The following NACC2 variants were observed in gnomAD, a reference collection of about 807,000 sequenced individuals.
NACC2 encodes the protein NACC family member 2.
In NACC2, 8 loss-of-function variants were observed where a neutral mutation model predicts 25.1. The observed-to-expected ratio is 0.32, with a 90% CI of 0.19 to 0.57. The LOEUF (loss-of-function observed/expected upper bound fraction) is 0.57. Ranked by LOEUF, NACC2 falls within the 20% of genes least tolerant of loss-of-function variation. The probability of loss-of-function intolerance (pLI) is 0.89; values close to 1 mark genes in which losing one functional copy is unlikely to be tolerated. For synonymous variants in NACC2, 435 were observed against 294.7 expected, an observed-to-expected ratio of 1.48 and a Z score of -4.88; for missense variants, 644 against 650.2, an observed-to-expected ratio of 0.99 and a Z score of 0.10.
intron 2 of NACC2, among the ~76,000 whole-genome samples, chr9:136,023,644 G>A (rs1389287403): frequency 2.6e-5 from 4 of 152,218 alleles, no homozygotes; most frequent in Non-Finnish European, 5.9e-5. Flanking sequence ...TTGCTGATCT[G>A]ATGGCATCCC....
chr9:136,075,109 G>A (rs1830247294), intron 1 of NACC2, among the ~76,000 whole-genome samples: 1 of 152,246 alleles, frequency 6.6e-6, no homozygotes. Flanking sequence ...TGTCCTCAAT[G>A]GCGGCTTCTG....
At position 136,032,530 on chromosome 9, in the gene NACC2, G is replaced by A. The variant is rs577911511; in HGVS notation, c.887-16101C>T. On this transcript the variant is annotated intron_variant, in intron 2 of 5. Transcript: ENST00000277554. The stretch of plus-strand genomic sequence containing the variant: ...TTAGAAATGAGACAGGGATATGTAA[G>A]AAGTTCTGGCCAGTTCAATGAGGCA... Among the ~76,000 whole-genome samples, 12 of 152,200 alleles carry A rather than the reference G, an allele frequency of 7.9e-5. No homozygotes were observed. The South Asian group carries it at 2.5e-3, about 31-fold the overall frequency.
At chr9:136,037,585 G>A (rs1318519649) in intron 2 of NACC2, among the ~76,000 whole-genome samples, 1 of 149,728 alleles carries the variant, frequency 6.7e-6, no homozygotes, top group Non-Finnish European at 1.5e-5. Flanking sequence ...TCAGCTCATT[G>A]CAACCTCTGC....
intron 2 of NACC2, among the ~76,000 whole-genome samples, chr9:136,047,525 G>A (rs890082095): frequency 1.8e-4 from 27 of 152,148 alleles, no homozygotes; most frequent in Non-Finnish European, 5.9e-5. Flanking sequence ...TGGCATCAGC[G>A]ACACCCGTGC....
Position 136,049,803 on chromosome 9 carries a change from G to T in NACC2, c.719C>A (p.Pro240His). ...ACTGGTCCGCTCCCCCTGGGGGTAG[G>T]GCATCTGCTGGATGCCGGGGATGAG... Reference protein sequence around the residue: ...ATLIPGIQQMPYPQGERTSPG... With the variant: ...ATLIPGIQQMHYPQGERTSPG... The change falls in exon 2 of 6, where the codon CCC becomes CAC. Residue 240 changes from proline (P) to histidine (H), a missense_variant. By Grantham distance (77) the Pro-to-His change is moderately conservative. Coordinates refer to ENST00000277554, the MANE Select transcript of NACC2 (RefSeq NM_144653.5). 1.3e-6 allele frequency: 1 copy of T among 754,310 alleles called. No homozygotes were observed. The highest frequency in any genetic ancestry group is 1.4e-5 in the South Asian group (1 of 72,312). 46.7% of individuals were successfully genotyped at this position (754,310 alleles called of 1,614,324 possible).
rs1417539306 is a variant in NACC2, at chr9:136,019,288, A to G, written c.887-2859T>C. The G allele has an allele frequency of 2.0e-5, 3 of 152,250 alleles. No homozygotes were observed. The highest frequency in any genetic ancestry group is 1.3e-4 in the Admixed American group (2 of 15,290). 9.4% of individuals were successfully genotyped at this position (152,250 alleles called of 1,614,324 possible). A position where few individuals can be genotyped will look rare whatever the true frequency, so the allele number is the denominator to read the frequency against. On this transcript the variant is annotated intron_variant, in intron 2 of 5. Coordinates refer to ENST00000277554, the MANE Select transcript of NACC2 (RefSeq NM_144653.5). This position sits in a 1 kb window ranked among gnomAD's most constrained non-coding sequence, Gnocchi z 5.2. ...ATCCCTCGTGGCCCCCGGAAGGGCC[A>G]TTCAGAGGCCCCGTGAGTCGGGGCC...
chr9:136,013,036 T>C lies in NACC2; in HGVS notation c.1255+163A>G, dbSNP rs1840136226. Among the ~76,000 whole-genome samples, 1 of 152,236 alleles carries C rather than the reference T, an allele frequency of 6.6e-6. No homozygotes were observed. Among genetic ancestry groups the C allele is most frequent in the African/African-American group, 2.4e-5 (1 of 41,462 alleles). ...ACCTCGAGACCTGGCTTCTGAGAGCTGCTCTTTTCTCCTCATCTTCCCCTC... is the reference window on the plus strand; with the variant it reads ...ACCTCGAGACCTGGCTTCTGAGAGCCGCTCTTTTCTCCTCATCTTCCCCTC... On this transcript the variant is annotated intron_variant, in intron 5 of 5. Coordinates refer to ENST00000277554, the MANE Select transcript of NACC2 (RefSeq NM_144653.5). The surrounding 1 kb of genome is among the most constrained non-coding windows in gnomAD (Gnocchi z 6.6).
chr9:136,032,290 G>C (rs954876755), intron 2 of NACC2, among the ~76,000 whole-genome samples: 2 of 152,204 alleles, frequency 1.3e-5, no homozygotes, highest in South Asian at 2.1e-4. Flanking sequence ...AGCAGTCAAT[G>C]CAACTAAGCA....
At chr9:136,049,219 T>C (rs1392870305) in intron 2 of NACC2, among the ~76,000 whole-genome samples, 1 of 152,060 alleles carries the variant, frequency 6.6e-6, no homozygotes, top group Non-Finnish European at 1.5e-5. Context: ...GGAGAGGTGG[T>C]GGCAAAGGGG....
intron 1 of NACC2, 55 bp from the exon 2 acceptor site, chr9:136,050,635 C>A: frequency 1.5e-6 from 1 of 676,822 alleles, no homozygotes; most frequent in Non-Finnish European, 2.7e-6. Flanking sequence ...GCTCCCCGCT[C>A]AAGGGGCCGT....
At chr9:136,047,793 G>C (rs1840752477) in intron 2 of NACC2, among the ~76,000 whole-genome samples, 1 of 152,172 alleles carries the variant, frequency 6.6e-6, no homozygotes, top group African/African-American at 2.4e-5. Context: ...GGGCGTGAGG[G>C]CTTCTAGCTC....
At chr9:136,035,705 T>C (rs1256052975) in intron 2 of NACC2, among the ~76,000 whole-genome samples, 8 of 133,910 alleles carry the variant, frequency 6.0e-5, no homozygotes, top group African/African-American at 2.2e-4. Flanking sequence ...AGAATGTCCT[T>C]GTTTGTTAAA....
chr9:136,052,896 A>G (rs1287486715), intron 1 of NACC2, among the ~76,000 whole-genome samples: 5 of 152,354 alleles, frequency 3.3e-5, no homozygotes, highest in African/African-American at 1.2e-4. Context: ...GGACCCCTCC[A>G]GAGAATGTGT....
At chr9:136,030,181 T>C (rs988876672) in intron 2 of NACC2, among the ~76,000 whole-genome samples, 6 of 151,944 alleles carry the variant, frequency 3.9e-5, no homozygotes, top group African/African-American at 1.5e-4. Flanking sequence ...AGCCCTTCCT[T>C]GCTTTTTCAA....
chr9:136,082,915 A>T (rs1272419424), intron 1 of NACC2, among the ~76,000 whole-genome samples: 2 of 152,022 alleles, frequency 1.3e-5, no homozygotes, highest in African/African-American at 4.8e-5. Context: ...GGCCCTCTCT[A>T]CGCCTAGGAT....
At chr9:136,015,765 T>C (rs1332912173) in intron 3 of NACC2, among the ~76,000 whole-genome samples, 1 of 152,140 alleles carries the variant, frequency 6.6e-6, no homozygotes, top group Non-Finnish European at 1.5e-5. Context: ...ATCTTCTCCT[T>C]AACAGTTGTA....
chr9:136,075,424 C>T (rs1008582043), intron 1 of NACC2, among the ~76,000 whole-genome samples: 5 of 152,220 alleles, frequency 3.3e-5, no homozygotes, highest in East Asian at 1.9e-4. Context: ...AACTCGGAGG[C>T]GAATGTCTCC....
In NACC2 at chr9:136,064,254, A is replaced by T. The variant is rs527683123; in HGVS notation, c.-59-13674T>A. 5.9e-5 allele frequency among the ~76,000 whole-genome samples: 9 copies of T among 152,316 alleles called. No individual in the cohort carries two copies. In the East Asian group the frequency reaches 1.2e-3, roughly 20 times the overall value. ...CAGTGAACTATGACTGCACTACTGC[A>T]CTCCAGCCTGGGTGACAGAGTGAGG... On this transcript the variant is annotated intron_variant, in intron 1 of 5. Coordinates refer to ENST00000277554, the MANE Select transcript of NACC2 (RefSeq NM_144653.5).
At chr9:136,050,696 A>G in intron 1 of NACC2, 116 bp from the exon 2 acceptor site, 1 of 626,926 alleles carries the variant, frequency 1.6e-6, no homozygotes, top group African/African-American at 1.8e-5. Flanking sequence ...AGCCTTCCGC[A>G]CGCGCCCTCC....
Sources: gnomAD v4.1 joint callset for allele counts (sites outside exome capture counted in the v4.1 genomes callset) on GRCh38, gnomAD v4.1.1 for gene constraint, Gnocchi (gnomAD v3.1) non-coding constraint, MANE v1.5 for transcripts, NCBI Gene and HGNC (gene_info 2026-07-23, HGNC 2026-07-21) for gene names.